FBXO42: variants seen among roughly 807,000 people sequenced by gnomAD.
FBXO42 encodes F-box only protein 42.
Under a neutral mutation model 71.7 loss-of-function variants are expected in FBXO42, and 12 were observed. The observed-to-expected ratio is 0.17, with a 90% CI of 0.11 to 0.27. The LOEUF (loss-of-function observed/expected upper bound fraction) is 0.27. Among genes scored for constraint, FBXO42 ranks in the 10% least tolerant of loss-of-function variants. The pLI, the probability that FBXO42 is intolerant of heterozygous loss-of-function variation, is 1.00. For missense variants in FBXO42, 707 were observed against 911.9 expected (o/e 0.78, Z 2.89); for synonymous variants, 325 against 327.5 (o/e 0.99, Z 0.08).
At chr1:16,279,843 G>GTTTT (rs1199990516) in intron 4 of FBXO42, among the ~76,000 whole-genome samples, 1 of 68,540 alleles carries the variant, frequency 1.5e-5, no homozygotes, top group Non-Finnish European at 3.0e-5. Context: ...GTTGACAATG[G>GTTTT]TTTTTTTTTT....
chr1:16,316,027 G>C (rs2082360054), intron 1 of FBXO42, among the ~76,000 whole-genome samples: 1 of 151,978 alleles, frequency 6.6e-6, no homozygotes, highest in African/African-American at 2.4e-5. Context: ...AAAATTAGCT[G>C]GGCATGGTGG....
intron 1 of FBXO42, among the ~76,000 whole-genome samples, chr1:16,345,760 A>C (rs1341945203): frequency 6.6e-6 from 1 of 150,436 alleles, no homozygotes; most frequent in Non-Finnish European, 1.5e-5. Context: ...AGGCAGGAGA[A>C]TGGCATGAAC....
chr1:16,328,178 T>TA (rs1009951019), intron 1 of FBXO42, among the ~76,000 whole-genome samples: 8 of 152,056 alleles, frequency 5.3e-5, no homozygotes, highest in South Asian at 2.1e-4. Flanking sequence ...TGTAAATTTT[T>TA]AAAAAAAACC....
intron 1 of FBXO42, among the ~76,000 whole-genome samples, chr1:16,328,886 C>G (rs543261303): frequency 1.3e-5 from 2 of 152,020 alleles, no homozygotes; most frequent in East Asian, 3.9e-4. Flanking sequence ...TGGGATTGGC[C>G]GGGTGCGGTG....
intron 1 of FBXO42, among the ~76,000 whole-genome samples, chr1:16,323,189 C>T (rs4313391): frequency 0.64 from 95,971 of 150,806 alleles, 31,244 homozygotes; most frequent in South Asian, 0.84. Context: ...GAGGCCAAGG[C>T]GGAGGAATCA....
At chr1:16,345,710 T>C (rs1207337734) in intron 1 of FBXO42, among the ~76,000 whole-genome samples, 1 of 151,648 alleles carries the variant, frequency 6.6e-6, no homozygotes, top group Non-Finnish European at 1.5e-5. Context: ...TAGCTGGGCA[T>C]GGTGGCGGGC....
chr1:16,318,671 C>T (rs1480321212), intron 1 of FBXO42, among the ~76,000 whole-genome samples: 4 of 152,074 alleles, frequency 2.6e-5, no homozygotes, highest in Admixed American at 2.6e-4. Flanking sequence ...TTAGATTCTC[C>T]AGGAAGCAGA....
At chr1:16,341,846 C>T (rs2082607720) in intron 1 of FBXO42, among the ~76,000 whole-genome samples, 1 of 151,410 alleles carries the variant, frequency 6.6e-6, no homozygotes, top group African/African-American at 2.4e-5. Context: ...TGGCGTCTGC[C>T]TGTAATCCCA....
chr1:16,256,487 GAA>G (rs1557570009), intron 5 of FBXO42, 117 bp downstream of exon 5: 10 of 1,100,230 alleles, frequency 9.1e-6, no homozygotes, highest in African/African-American at 1.6e-5. Context: ...CCCCTCCTGG[GAA>G]AAGAGTCCAC....
chr1:16,268,379 T>C (rs1235635545), intron 4 of FBXO42, among the ~76,000 whole-genome samples: 1 of 152,144 alleles, frequency 6.6e-6, no homozygotes. Context: ...TAGAAAAGCA[T>C]GTATTCTGGA....
chr1:16,250,577 G>C lies in FBXO42; in HGVS notation c.*93C>G. 4 of 1,442,138 alleles carry C rather than the reference G, an allele frequency of 2.8e-6. No homozygotes were observed. Among genetic ancestry groups the C allele is most frequent in the Non-Finnish European group, 3.7e-6 (4 of 1,073,772 alleles). The allele number at this position is 1,442,138 out of a possible 1,614,324, so 89.3% of individuals were successfully genotyped here. ...AATTAAAGAGTTTTGGCTTCTGGGA[G>C]TAATTTTGTTTTCCCAATTCTCAGT... On this transcript the variant is annotated 3_prime_UTR_variant, in exon 10 of 10. Coordinates refer to ENST00000375592, the MANE Select transcript of FBXO42 (RefSeq NM_018994.3). The surrounding 1 kb of genome is among the most constrained non-coding windows in gnomAD (Gnocchi z 4.7).
chr1:16,249,370 T>C lies in FBXO42; in HGVS notation c.*1300A>G, dbSNP rs2081567432. Reference sequence around the variant, plus strand: ...AGAAGACAAGTGCAAAGGATGGAGCTGTTTCTGAGGTCAGCCATGCGTCAA... The same window carrying C: ...AGAAGACAAGTGCAAAGGATGGAGCCGTTTCTGAGGTCAGCCATGCGTCAA... On this transcript the variant is annotated 3_prime_UTR_variant, in exon 10 of 10. Transcript: ENST00000375592. The C allele has an allele frequency of 6.6e-6, 1 of 152,198 alleles. No individual in the cohort carries two copies. The highest frequency in any genetic ancestry group is 1.5e-5 in the Non-Finnish European group (1 of 68,030). The allele number at this position is 152,198 out of a possible 1,614,324, so 9.4% of individuals were successfully genotyped here. A position where few individuals can be genotyped will look rare whatever the true frequency, so the allele number is the denominator to read the frequency against.
chr1:16,288,446 A>AATAAT (rs2082043864), intron 4 of FBXO42, among the ~76,000 whole-genome samples: 7 of 143,870 alleles, frequency 4.9e-5, no homozygotes, highest in African/African-American at 1.9e-4. Flanking sequence ...ATAAAAATAA[A>AATAAT]AATAAAAATA....
At chr1:16,328,800 T>C (rs1048063352) in intron 1 of FBXO42, among the ~76,000 whole-genome samples, 13 of 152,132 alleles carry the variant, frequency 8.5e-5, no homozygotes, top group Middle Eastern at 3.4e-3. Context: ...ACAGGAAATA[T>C]ATAAGATGAG....
At chr1:16,329,993 C>G (rs2082483882) in intron 1 of FBXO42, among the ~76,000 whole-genome samples, 1 of 152,116 alleles carries the variant, frequency 6.6e-6, no homozygotes, top group South Asian at 2.1e-4. Context: ...TGCAGATTTC[C>G]AAATAATTCG....
At chr1:16,336,847 T>C (rs1309699097) in intron 1 of FBXO42, among the ~76,000 whole-genome samples, 1 of 151,902 alleles carries the variant, frequency 6.6e-6, no homozygotes, top group Non-Finnish European at 1.5e-5. Flanking sequence ...TAGCTGGGTG[T>C]GGTGGCAAAC....
intron 4 of FBXO42, among the ~76,000 whole-genome samples, chr1:16,267,033 G>C (rs2081783873): frequency 6.6e-6 from 1 of 152,182 alleles, no homozygotes; most frequent in South Asian, 2.1e-4. Flanking sequence ...TGAGGAGGTA[G>C]GGATAAAAGG....
intron 4 of FBXO42, among the ~76,000 whole-genome samples, chr1:16,279,057 T>A (rs1257680091): frequency 1.3e-5 from 2 of 152,206 alleles, no homozygotes; most frequent in Non-Finnish European, 2.9e-5. Flanking sequence ...ATTACAGGCA[T>A]GAGCCACCGC....
chr1:16,344,944 C>CA (rs1175998720), intron 1 of FBXO42, among the ~76,000 whole-genome samples: 7 of 150,320 alleles, frequency 4.7e-5, no homozygotes, highest in South Asian at 4.2e-4. Context: ...ACTAAAAATA[C>CA]AAATATTAGC....
Sources: gnomAD v4.1 joint callset for allele counts (sites outside exome capture counted in the v4.1 genomes callset) on GRCh38, gnomAD v4.1.1 for gene constraint, Gnocchi (gnomAD v3.1) non-coding constraint, MANE v1.5 for transcripts, NCBI Gene and HGNC (gene_info 2026-07-23, HGNC 2026-07-21) for gene names.